The following HIVEP3 variants were observed in gnomAD, a reference collection of about 807,000 sequenced individuals.
HIVEP3 encodes transcription factor HIVEP3.
HIVEP3 carries 49 observed loss-of-function variants against 152.8 expected under a neutral mutation model. The ratio of observed to expected loss-of-function variants is 0.32; its 90% confidence interval spans 0.26 to 0.41. The LOEUF (loss-of-function observed/expected upper bound fraction) is 0.41, where lower values mean the gene tolerates loss of function less well. Among genes scored for constraint, HIVEP3 ranks in the 10% least tolerant of loss-of-function variants. The probability of loss-of-function intolerance (pLI) is 1.00; values close to 1 mark genes in which losing one functional copy is unlikely to be tolerated. For synonymous variants in HIVEP3, 1,269 were observed against 1,289.0 expected, an observed-to-expected ratio of 0.98 and a Z score of 0.33; for missense variants, 2,790 against 3,103.3, an observed-to-expected ratio of 0.90 and a Z score of 2.40.
At chr1:41,804,831 C>T (rs1650506493) in intron 1 of HIVEP3, among the ~76,000 whole-genome samples, 1 of 152,188 alleles carries the variant, frequency 6.6e-6, no homozygotes. Context: ...TGTTTTAGAG[C>T]ATCTCCTATC....
Position 41,583,025 on chromosome 1 carries a change from C to G in HIVEP3, c.1773G>C (p.Pro591=). The G allele has an allele frequency of 1.9e-6, 3 of 1,614,040 alleles. No individual in the cohort carries two copies. Among genetic ancestry groups the G allele is most frequent in the Non-Finnish European group, 2.5e-6 (3 of 1,180,016 alleles). Residue 591 remains proline (P), a synonymous_variant, in exon 4 of 9, where the codon CCG becomes CCC. Transcript: ENST00000372583. This position sits in a 1 kb window ranked among gnomAD's most constrained non-coding sequence, Gnocchi z 6.9. ...TSHPRMLKRQ[P]AIELPLGGEY... ...CCCCTCCCAAAGGTAATTCGATTGCCGGCTGGCGCTTCAGCATCCGGGGGT... is the reference window on the plus strand; with the variant it reads ...CCCCTCCCAAAGGTAATTCGATTGCGGGCTGGCGCTTCAGCATCCGGGGGT...
chr1:41,553,093 TG>T (rs1266047841), intron 5 of HIVEP3, among the ~76,000 whole-genome samples: 3 of 152,162 alleles, frequency 2.0e-5, no homozygotes, highest in Non-Finnish European at 4.4e-5. Context: ...GTATTGACAG[TG>T]GGGAGTTAAA....
intron 1 of HIVEP3, among the ~76,000 whole-genome samples, chr1:41,734,980 C>T (rs1216304741): frequency 1.3e-5 from 2 of 152,346 alleles, no homozygotes; most frequent in East Asian, 1.9e-4. Context: ...ACACCAAACA[C>T]ATCCCTTCTT....
chr1:41,805,830 A>C (rs1174307385), intron 1 of HIVEP3, among the ~76,000 whole-genome samples: 4 of 151,998 alleles, frequency 2.6e-5, no homozygotes, highest in Admixed American at 1.3e-4. Flanking sequence ...GATGGAGAGC[A>C]CCTCTTTTGG....
intron 1 of HIVEP3, among the ~76,000 whole-genome samples, chr1:42,019,693 T>C (rs966253768): frequency 2.0e-5 from 3 of 151,994 alleles, no homozygotes; most frequent in Admixed American, 2.0e-4. Context: ...ATGACAGTTT[T>C]ATTTCTTACT....
intron 2 of HIVEP3, among the ~76,000 whole-genome samples, chr1:41,639,039 G>A (rs1007668656): frequency 1.2e-4 from 19 of 152,214 alleles, no homozygotes; most frequent in Non-Finnish European, 2.8e-4. Flanking sequence ...CTGACACGTG[G>A]CCCTTCCCTC....
chr1:41,609,115 G>A (rs1398556683), intron 3 of HIVEP3, among the ~76,000 whole-genome samples: 3 of 152,136 alleles, frequency 2.0e-5, no homozygotes, highest in African/African-American at 7.2e-5. Flanking sequence ...GGGAAGAGGT[G>A]GAGGTGGGCA....
rs767732877 is a variant in HIVEP3, at chr1:41,510,781, C to T, written c.6891G>A (p.Gly2297=). 4 of 1,606,566 alleles carry T rather than the reference C, an allele frequency of 2.5e-6. No homozygotes were observed. In the South Asian group the frequency reaches 3.3e-5, roughly 13 times the overall value. ...GCGTGGGTGTGGGCTCTGCAGGTGC[C>T]CCGGTCCCATGGGGTGTCCAGTCAG... ...RPPDWTPHGT[G]APAEPTPTHS... is the part of the protein sequence containing the mutation. The change falls in exon 9 of 9, where the codon GGG becomes GGA. Residue 2297 remains glycine, a synonymous_variant. Coordinates refer to ENST00000372583, the MANE Select transcript of HIVEP3 (RefSeq NM_024503.5).
At chr1:41,939,683 C>T (rs1225520298) in intron 1 of HIVEP3, among the ~76,000 whole-genome samples, 1 of 152,106 alleles carries the variant, frequency 6.6e-6, no homozygotes, top group Non-Finnish European at 1.5e-5. Flanking sequence ...AAAAAGTAAA[C>T]ATCAGGATCA....
chr1:41,981,998 T>C (rs1357183258), intron 1 of HIVEP3, among the ~76,000 whole-genome samples: 2 of 152,208 alleles, frequency 1.3e-5, no homozygotes, highest in African/African-American at 4.8e-5. Flanking sequence ...AAATGCTTAC[T>C]TCTTGTAAAT....
chr1:41,526,293 TCA>T (rs1157445312), intron 5 of HIVEP3, among the ~76,000 whole-genome samples: 2 of 98,610 alleles, frequency 2.0e-5, no homozygotes, highest in Non-Finnish European at 4.1e-5. Flanking sequence ...ACGCTCACCC[TCA>T]CACACACTCA....
intron 5 of HIVEP3, among the ~76,000 whole-genome samples, chr1:41,545,067 A>G: frequency 7.7e-6 from 1 of 130,268 alleles, no homozygotes; most frequent in African/African-American, 3.0e-5. Context: ...CACTACCACC[A>G]CCACCAACAT....
intron 6 of HIVEP3, 70 bp downstream of exon 6, chr1:41,524,665 T>C: frequency 7.0e-7 from 1 of 1,436,208 alleles, no homozygotes; most frequent in Non-Finnish European, 9.8e-7. Context: ...ACCTGAACTC[T>C]GTGCTGGGAC....
chr1:41,565,810 GAA>G (rs1046416744), intron 5 of HIVEP3, among the ~76,000 whole-genome samples: 6 of 151,990 alleles, frequency 3.9e-5, no homozygotes, highest in East Asian at 1.9e-4. Flanking sequence ...GTACCCGCTT[GAA>G]AAAAAGTCTC....
At chr1:41,589,538 A>G (rs1327525452) in intron 3 of HIVEP3, among the ~76,000 whole-genome samples, 1 of 152,256 alleles carries the variant, frequency 6.6e-6, no homozygotes, top group East Asian at 1.9e-4. Flanking sequence ...CGAAGGCGTC[A>G]GGACAACATG....
chr1:41,534,265 T>C (rs548261075), intron 5 of HIVEP3, among the ~76,000 whole-genome samples: 2 of 152,246 alleles, frequency 1.3e-5, no homozygotes, highest in South Asian at 4.2e-4. Flanking sequence ...AAGCCCTGCA[T>C]TCCTTGGCAG....
chr1:41,725,297 C>G (rs1646736224), intron 1 of HIVEP3, among the ~76,000 whole-genome samples: 1 of 152,214 alleles, frequency 6.6e-6, no homozygotes, highest in African/African-American at 2.4e-5. Context: ...GATGTCTCCT[C>G]ACTCCTGCCA....
At chr1:41,921,416 G>A (rs1253639393), upstream of HIVEP3, among the ~76,000 whole-genome samples, 1 of 152,138 alleles carries the variant, frequency 6.6e-6, no homozygotes, top group African/African-American at 2.4e-5. Flanking sequence ...TAAGTCTCAT[G>A]AGATCTGATG....
At chr1:41,953,120 T>C (rs892506034) in intron 1 of HIVEP3, among the ~76,000 whole-genome samples, 2 of 152,210 alleles carry the variant, frequency 1.3e-5, no homozygotes, top group African/African-American at 2.4e-5. Flanking sequence ...CATTGTTCCC[T>C]AGGCCTGCAA....
Sources: gnomAD v4.1 joint callset for allele counts (sites outside exome capture counted in the v4.1 genomes callset) on GRCh38, gnomAD v4.1.1 for gene constraint, Gnocchi (gnomAD v3.1) non-coding constraint, MANE v1.5 for transcripts, NCBI Gene and HGNC (gene_info 2026-07-23, HGNC 2026-07-21) for gene names.